The following ADGRD1 variants were observed in gnomAD, a reference collection of about 807,000 sequenced individuals.
The protein encoded by ADGRD1 is G-protein coupled receptor 133.
ADGRD1 carries 77 observed loss-of-function variants against 113.4 expected under a neutral mutation model. That is an observed-to-expected ratio of 0.68 (90% confidence interval 0.57 to 0.82). The LOEUF (loss-of-function observed/expected upper bound fraction) is 0.82, where lower values mean the gene tolerates loss of function less well. Ranked by LOEUF, ADGRD1 falls within the 40% of genes least tolerant of loss-of-function variation. The probability of loss-of-function intolerance (pLI) is 0.00; values close to 1 mark genes in which losing one functional copy is unlikely to be tolerated. For missense variants in ADGRD1, 1,036 were observed against 1,139.1 expected, an observed-to-expected ratio of 0.91 and a Z score of 1.30; for synonymous variants, 474 against 475.0, an observed-to-expected ratio of 1.00 and a Z score of 0.03.
intron 12 of ADGRD1, among the ~76,000 whole-genome samples, chr12:131,012,295 G>A (rs1490746034): frequency 1.4e-5 from 2 of 141,286 alleles, no homozygotes; most frequent in African/African-American, 5.2e-5. Flanking sequence ...TTTTTTTTAA[G>A]TTTGTGTTTT....
intron 12 of ADGRD1, among the ~76,000 whole-genome samples, chr12:131,012,672 T>C (rs1224965652): frequency 1.3e-5 from 2 of 152,020 alleles, no homozygotes; most frequent in African/African-American, 4.8e-5. Context: ...CCAGGCAGGG[T>C]CACTGAACAC....
At chr12:131,128,831 G>A (rs10773847) in intron 20 of ADGRD1, among the ~76,000 whole-genome samples, 123,999 of 151,962 alleles carry the variant, frequency 0.82, 51,713 homozygotes, top group Middle Eastern at 0.93. Flanking sequence ...GTGGGTGTGG[G>A]CAGCAGCCCT....
At position 131,075,423 on chromosome 12, in the gene ADGRD1, G is replaced by T. The variant is rs747908140; in HGVS notation, c.1474-1378G>T. 6.6e-6 allele frequency among the ~76,000 whole-genome samples: 1 copy of T among 152,202 alleles called. No homozygotes were observed. The highest frequency in any genetic ancestry group is 1.5e-5 in the Non-Finnish European group (1 of 68,040). On this transcript the variant is annotated intron_variant, in intron 13 of 24. Transcript: ENST00000261654. The surrounding 1 kb of genome is among the most constrained non-coding windows in gnomAD (Gnocchi z 5.3). ...TCTGTGCAAGAGTTCACAGCAGGCTGTGGCTTTGGGAAGACAGAGGAGAAG... is the reference window on the plus strand; with the variant it reads ...TCTGTGCAAGAGTTCACAGCAGGCTTTGGCTTTGGGAAGACAGAGGAGAAG...
At chr12:131,112,932 C>A (rs998735699) in intron 18 of ADGRD1, among the ~76,000 whole-genome samples, 1 of 152,240 alleles carries the variant, frequency 6.6e-6, no homozygotes, top group African/African-American at 2.4e-5. Context: ...GAGTCCCAAC[C>A]TTTCAGCTGC....
At position 131,060,782 on chromosome 12, in the gene ADGRD1, CT is replaced by C. The variant is rs1884252225; in HGVS notation, c.1474-16017del. On this transcript the variant is annotated intron_variant, in intron 13 of 24. Coordinates refer to ENST00000261654, the MANE Select transcript of ADGRD1 (RefSeq NM_198827.5). This position sits in a 1 kb window ranked among gnomAD's most constrained non-coding sequence, Gnocchi z 4.4. ...CTTTGGGATGCGGAATGTAAAATCA[CT>C]TATGATCTCACTGCCTGGAGATCCC... Among the ~76,000 whole-genome samples the C allele has an allele frequency of 6.6e-6, 1 of 152,152 alleles. No homozygotes were observed. The highest frequency in any genetic ancestry group is 1.9e-4 in the East Asian group (1 of 5,192).
intron 13 of ADGRD1, chr12:131,024,518 C>T (rs1171109506): frequency 1.3e-5 from 2 of 152,246 alleles, no homozygotes; most frequent in South Asian, 2.1e-4. Flanking sequence ...ACCAGATTTT[C>T]CCTGTACCTC....
intron 23 of ADGRD1, among the ~76,000 whole-genome samples, chr12:131,137,486 A>G (rs988899862): frequency 1.6e-4 from 25 of 152,216 alleles, no homozygotes; most frequent in Non-Finnish European, 1.3e-4. Context: ...GGGCTGCCCC[A>G]AGGACTTCTG....
chr12:131,139,139 T>G (rs776039532), intron 24 of ADGRD1, 29 bp from the exon 25 acceptor site: 1 of 1,569,332 alleles, frequency 6.4e-7, no homozygotes, highest in East Asian at 2.2e-5. Flanking sequence ...GAGCAGGCCC[T>G]TCACTGCTCA....
chr12:130,954,345 A>G lies in ADGRD1; in HGVS notation c.-121A>G. ...TTTCACAAACTTTAAGGAGACAGAA[A>G]TTTTCTCCCCTGGAACCTGTGAAAA... On this transcript the variant is annotated 5_prime_UTR_variant, in exon 1 of 25. Transcript: ENST00000261654. This position sits in a 1 kb window ranked among gnomAD's most constrained non-coding sequence, Gnocchi z 4.7. 1.2e-6 allele frequency: 1 copy of G among 844,224 alleles called. No homozygotes were observed. Among genetic ancestry groups the G allele is most frequent in the Non-Finnish European group, 1.8e-6 (1 of 547,934 alleles). The allele number at this position is 844,224 out of a possible 1,614,324, so 52.3% of individuals were successfully genotyped here. A position where few individuals can be genotyped will look rare whatever the true frequency, so the allele number is the denominator to read the frequency against.
At chr12:131,009,570 A>G (rs1362351332) in intron 12 of ADGRD1, among the ~76,000 whole-genome samples, 1 of 152,144 alleles carries the variant, frequency 6.6e-6, no homozygotes. Flanking sequence ...CGTGGTAGAG[A>G]TGGAGTATGC....
rs1873427413 is a variant in ADGRD1, at chr12:130,984,791, C to T, written c.491-2304C>T. Among the ~76,000 whole-genome samples, 1 of 151,018 alleles carries T rather than the reference C, an allele frequency of 6.6e-6. No homozygotes were observed. Among genetic ancestry groups the T allele is most frequent in the African/African-American group, 2.4e-5 (1 of 41,058 alleles). On this transcript the variant is annotated intron_variant, in intron 5 of 24. Transcript: ENST00000261654. The surrounding 1 kb of genome is among the most constrained non-coding windows in gnomAD (Gnocchi z 4.1). ...TTCTTCTTCCCCTCCTCTCTCTTTT[C>T]CTTCTTTCCCTCCCTCCCTTCCTCC...
intron 12 of ADGRD1, among the ~76,000 whole-genome samples, chr12:131,009,047 G>T (rs1877541421): frequency 6.6e-6 from 1 of 152,236 alleles, no homozygotes; most frequent in South Asian, 2.1e-4. Flanking sequence ...TTGCGGGGCG[G>T]GGGACCTCAC....
At chr12:131,048,138 CAG>C (rs1232492234) in intron 13 of ADGRD1, among the ~76,000 whole-genome samples, 1 of 152,238 alleles carries the variant, frequency 6.6e-6, no homozygotes, top group African/African-American at 2.4e-5. Context: ...TTGTCGGTCA[CAG>C]AGCTCTCTCT....
At chr12:131,081,434 A>T (rs1340005155) in intron 14 of ADGRD1, among the ~76,000 whole-genome samples, 1 of 152,174 alleles carries the variant, frequency 6.6e-6, no homozygotes, top group East Asian at 1.9e-4. Context: ...ATGATTTCTA[A>T]TGTATACATC....
intron 13 of ADGRD1, among the ~76,000 whole-genome samples, chr12:131,020,303 G>A (rs1157309015): frequency 6.6e-6 from 1 of 151,562 alleles, no homozygotes; most frequent in Non-Finnish European, 1.5e-5. Flanking sequence ...TCCAGGGCAG[G>A]GGGTGCTCGA....
intron 13 of ADGRD1, among the ~76,000 whole-genome samples, chr12:131,052,583 G>T (rs1883502350): frequency 6.6e-6 from 1 of 152,206 alleles, no homozygotes; most frequent in South Asian, 2.1e-4. Context: ...TTCAGGAGCA[G>T]TCGGGGGGGC....
rs574303552 is a variant in ADGRD1, at chr12:131,041,534, G to C, written c.1473+27194G>C. Among the ~76,000 whole-genome samples, 3 of 152,306 alleles carry C rather than the reference G, an allele frequency of 2.0e-5. No homozygotes were observed. The highest frequency in any genetic ancestry group is 2.1e-4 in the South Asian group (1 of 4,818). ...TTTGTGACCTCCGCAGGGAGACGGA[G>C]ACTGTGGTGGCCAGGACAGCATGTA... On this transcript the variant is annotated intron_variant, in intron 13 of 24. Coordinates refer to ENST00000261654, the MANE Select transcript of ADGRD1 (RefSeq NM_198827.5). The surrounding 1 kb of genome is among the most constrained non-coding windows in gnomAD (Gnocchi z 4.4).
chr12:131,120,191 A>G (rs1170150228), intron 19 of ADGRD1, among the ~76,000 whole-genome samples: 1 of 152,214 alleles, frequency 6.6e-6, no homozygotes, highest in Non-Finnish European at 1.5e-5. Flanking sequence ...AAGGCACTCC[A>G]GGTCCTTGGG....
At chr12:130,992,581 A>G in intron 8 of ADGRD1, 189 bp downstream of exon 8, 1 of 506,980 alleles carries the variant, frequency 2.0e-6, no homozygotes, top group Non-Finnish European at 3.4e-6. Flanking sequence ...AGCTCAGCGG[A>G]GCTTCCTTTA....
Sources: gnomAD v4.1 joint callset for allele counts (sites outside exome capture counted in the v4.1 genomes callset) on GRCh38, gnomAD v4.1.1 for gene constraint, Gnocchi (gnomAD v3.1) non-coding constraint, MANE v1.5 for transcripts, NCBI Gene and HGNC (gene_info 2026-07-23, HGNC 2026-07-21) for gene names.